The following FRMD4A variants were observed in gnomAD, a reference collection of about 807,000 sequenced individuals.
FRMD4A encodes FERM domain-containing protein 4A.
In FRMD4A, 29 loss-of-function variants were observed where a neutral mutation model predicts 129.1. That is an observed-to-expected ratio of 0.22 (90% CI 0.17 to 0.31). FRMD4A has a LOEUF of 0.31. Among genes scored for constraint, FRMD4A ranks in the 10% least tolerant of loss-of-function variants. The pLI is 1.00. For missense variants in FRMD4A, 1,272 were observed against 1,375.8 expected (o/e 0.92, Z 1.19); for synonymous variants, 634 against 571.6 (o/e 1.11, Z -1.56).
At chr10:14,103,261 T>C (rs1192690278) in intron 2 of FRMD4A, among the ~76,000 whole-genome samples, 1 of 152,232 alleles carries the variant, frequency 6.6e-6, no homozygotes, top group Non-Finnish European at 1.5e-5. Context: ...TAATCTAAAA[T>C]ATTGTACAAA....
At chr10:14,185,641 C>G (rs148160092) in intron 2 of FRMD4A, among the ~76,000 whole-genome samples, 1 of 152,144 alleles carries the variant, frequency 6.6e-6, no homozygotes, top group African/African-American at 2.4e-5. Flanking sequence ...GGTCAGAGAG[C>G]TGCAGGGGCG....
intron 2 of FRMD4A, among the ~76,000 whole-genome samples, chr10:14,266,801 C>A (rs1844996623): frequency 1.3e-5 from 2 of 152,026 alleles, no homozygotes; most frequent in African/African-American, 4.8e-5. Context: ...TAAATTATAT[C>A]CTTTTACTAC....
chr10:13,965,688 G>A (rs1403001630), intron 2 of FRMD4A, among the ~76,000 whole-genome samples: 1 of 152,170 alleles, frequency 6.6e-6, no homozygotes, highest in Non-Finnish European at 1.5e-5. Flanking sequence ...AATCTGCACA[G>A]TATTTCCAAT....
chr10:13,728,905 C>G (rs2090118718), intron 12 of FRMD4A, among the ~76,000 whole-genome samples: 1 of 152,082 alleles, frequency 6.6e-6, no homozygotes, highest in Admixed American at 6.5e-5. Context: ...GATTATTCTT[C>G]CAAATGGAGA....
intron 2 of FRMD4A, among the ~76,000 whole-genome samples, chr10:14,092,971 G>A (rs1012136702): frequency 6.6e-6 from 1 of 152,206 alleles, no homozygotes; most frequent in Non-Finnish European, 1.5e-5. Flanking sequence ...AAGTCAATAT[G>A]ATTGGCCCAG....
chr10:14,136,983 C>A (rs1002501099), intron 2 of FRMD4A, among the ~76,000 whole-genome samples: 3 of 152,204 alleles, frequency 2.0e-5, no homozygotes, highest in African/African-American at 7.2e-5. Context: ...TGCCAGGTAA[C>A]TTTCTGATGA....
chr10:14,061,932 C>G (rs954760176), intron 2 of FRMD4A, among the ~76,000 whole-genome samples: 6 of 152,176 alleles, frequency 3.9e-5, no homozygotes, highest in Non-Finnish European at 7.3e-5. Flanking sequence ...ATGTGACAGT[C>G]AATTCCTTAC....
intron 2 of FRMD4A, among the ~76,000 whole-genome samples, chr10:13,970,622 C>T (rs1408918769): frequency 6.6e-6 from 1 of 152,064 alleles, no homozygotes; most frequent in Non-Finnish European, 1.5e-5. Context: ...TTACAAACAC[C>T]CGTGAGAGGA....
At chr10:14,310,736 G>A (rs1322427390) in intron 2 of FRMD4A, among the ~76,000 whole-genome samples, 1 of 152,096 alleles carries the variant, frequency 6.6e-6, no homozygotes, top group African/African-American at 2.4e-5. Context: ...CTATGCAAAT[G>A]GCACACCTTG....
At chr10:14,158,753 G>A (rs1172124857) in intron 2 of FRMD4A, among the ~76,000 whole-genome samples, 7 of 150,998 alleles carry the variant, frequency 4.6e-5, no homozygotes, top group Admixed American at 4.0e-4. Flanking sequence ...GGAGGAGGAG[G>A]TGGAAGAGGA....
At chr10:14,215,709 G>A (rs1173169225) in intron 2 of FRMD4A, among the ~76,000 whole-genome samples, 1 of 151,952 alleles carries the variant, frequency 6.6e-6, no homozygotes, top group African/African-American at 2.4e-5. Context: ...AGGATCTTGG[G>A]GGAAGCCTAG....
At position 13,659,443 on chromosome 10, in the gene FRMD4A, C is replaced by T; in HGVS notation, c.1946G>A (p.Gly649Glu). The change falls in exon 21 of 25, where the codon GGA (glycine) becomes GAA (glutamate). Residue 649 changes from glycine (G) to glutamate (E), a missense_variant. By Grantham distance (98) the Gly-to-Glu change is moderately conservative. Around this residue, in one of 2 missense-constraint regions of FRMD4A, gnomAD observed 972 missense variants for 892.3 expected, o/e 1.09. Transcript: ENST00000357447. ...GCTGTTCTGCAAGGAGTTGCTTCCT[C>T]CGCCGGCTTCCGCACAGCTTCCTGT... is the stretch of plus-strand genomic sequence containing the variant. Reference protein sequence around the residue: ...PSTGSCAEAGGGSNSLQNSPI... With the variant: ...PSTGSCAEAGEGSNSLQNSPI... 1 of 1,613,854 alleles carries T rather than the reference C, an allele frequency of 6.2e-7. No homozygotes were observed. Among genetic ancestry groups the T allele is most frequent in the Non-Finnish European group, 8.5e-7 (1 of 1,179,992 alleles).
In FRMD4A at chr10:13,656,988, G is replaced by A. The variant is rs1295307202; in HGVS notation, c.2601C>T (p.Phe867=). The change falls in exon 22 of 25, where the codon TTC becomes TTT. Residue 867 remains phenylalanine, a synonymous_variant. Transcript: ENST00000357447. ...CCGCCGTGTAGGAGTTGGACGTCTT[G>A]AACTGAGCCTTGACGCTGTAGTGGC... ...QEGHYSVKAQ[F]KTSNSYTAGG... is the part of the protein sequence containing the mutation. 1.9e-6 allele frequency: 3 copies of A among 1,560,764 alleles called. No individual in the cohort carries two copies. The highest frequency in any genetic ancestry group is 2.4e-5 in the East Asian group (1 of 40,852).
intron 2 of FRMD4A, among the ~76,000 whole-genome samples, chr10:14,272,409 T>C (rs1255670291): frequency 6.6e-6 from 1 of 152,216 alleles, no homozygotes; most frequent in Non-Finnish European, 1.5e-5. Context: ...TGCCAATCTA[T>C]GACCGTCATC....
intron 2 of FRMD4A, among the ~76,000 whole-genome samples, chr10:14,329,343 T>C (rs914243589): frequency 1.3e-5 from 2 of 152,180 alleles, no homozygotes; most frequent in Non-Finnish European, 2.9e-5. Context: ...CTGAACCTAG[T>C]GTCAAGCCAA....
chr10:14,010,337 A>C (rs575717730), intron 2 of FRMD4A, among the ~76,000 whole-genome samples: 1 of 152,352 alleles, frequency 6.6e-6, no homozygotes, highest in Non-Finnish European at 1.5e-5. Context: ...ATAAAACAAA[A>C]ACACATGCAT....
chr10:13,871,761 G>T (rs531161333), intron 2 of FRMD4A, among the ~76,000 whole-genome samples: 2 of 152,298 alleles, frequency 1.3e-5, no homozygotes, highest in Non-Finnish European at 2.9e-5. Context: ...TGGACTGCTG[G>T]GGATGCCAAG....
At chr10:13,940,749 A>G (rs192955622) in intron 2 of FRMD4A, among the ~76,000 whole-genome samples, 17 of 152,328 alleles carry the variant, frequency 1.1e-4, no homozygotes, top group Non-Finnish European at 1.9e-4. Context: ...CAGCATCTTG[A>G]TAGAGCTTCC....
intron 2 of FRMD4A, among the ~76,000 whole-genome samples, chr10:14,173,218 C>G (rs1326691914): frequency 6.6e-6 from 1 of 152,188 alleles, no homozygotes; most frequent in Non-Finnish European, 1.5e-5. Flanking sequence ...TTATTGAAAA[C>G]TTTGGATCTA....
Sources: allele counts gnomAD v4.1 joint callset (sites outside exome capture counted in the v4.1 genomes callset), GRCh38; gene constraint gnomAD v4.1.1; regional missense constraint gnomAD v4.1.1; transcripts MANE v1.5; gene names NCBI Gene and HGNC (gene_info 2026-07-23, HGNC 2026-07-21).